The following WWOX variants were observed in gnomAD, a reference collection of about 807,000 sequenced individuals.
WWOX encodes WW domain-containing oxidoreductase.
A neutral mutation model predicts 46.2 loss-of-function variants in WWOX; 69 were observed. That is an observed-to-expected ratio of 1.49 (90% confidence interval 1.23 to 1.82). The LOEUF is 1.82. WWOX is among the 40% of genes most tolerant of loss of function. WWOX has a pLI of 0.00. For missense variants in WWOX, 919 were observed against 542.6 expected, an observed-to-expected ratio of 1.69 and a Z score of -6.89; for synonymous variants, 359 against 202.6, an observed-to-expected ratio of 1.77 and a Z score of -6.56.
At chr16:78,923,958 C>T (rs2045440155) in intron 8 of WWOX, among the ~76,000 whole-genome samples, 1 of 151,828 alleles carries the variant, frequency 6.6e-6, no homozygotes, top group Admixed American at 6.6e-5. Context: ...CGCCACCACG[C>T]CTGGCTAATT....
At chr16:78,536,331 C>T (rs541094977) in intron 8 of WWOX, among the ~76,000 whole-genome samples, 2 of 152,044 alleles carry the variant, frequency 1.3e-5, no homozygotes, top group East Asian at 3.9e-4. Flanking sequence ...GACTGTATCC[C>T]TCCTGAAGGG....
At chr16:78,539,648 C>G (rs866333077) in intron 8 of WWOX, among the ~76,000 whole-genome samples, 1 of 152,152 alleles carries the variant, frequency 6.6e-6, no homozygotes, top group Non-Finnish European at 1.5e-5. Context: ...TGTGTGTGTG[C>G]AAATTGTACT....
rs1478288838 is a variant in WWOX, at chr16:79,087,734, CTT to C, written c.1057-123872_1057-123871del. ...TATAGAGTTATTGGTACTTGCAACA[CTT>C]TCTCTGGAATTTGGCCATTTCTCTG... On this transcript the variant is annotated intron_variant, in intron 8 of 8. Transcript: ENST00000566780. Among the ~76,000 whole-genome samples, 10 of 152,342 alleles carry C rather than the reference CTT, an allele frequency of 6.6e-5. No homozygotes were observed. The East Asian group carries it at 1.9e-3, about 29-fold the overall frequency.
intron 8 of WWOX, among the ~76,000 whole-genome samples, chr16:79,194,003 C>T (rs2051189516): frequency 6.6e-6 from 1 of 152,186 alleles, no homozygotes; most frequent in African/African-American, 2.4e-5. Flanking sequence ...CTCTTTGTCT[C>T]AGTTTTCTGT....
Position 78,108,128 on chromosome 16 carries a change from A to T in WWOX, c.108-295A>T, listed in dbSNP as rs141139528. ...TTTTTGGTAGAGACAGGGTTTCACC[A>T]TGTTGGCCAGGATGGTCTCCATCTC... On this transcript the variant is annotated intron_variant, in intron 1 of 8. Transcript: ENST00000566780. 3.3e-3 allele frequency among the ~76,000 whole-genome samples: 501 copies of T among 151,488 alleles called. 5 individuals are homozygous for T. The highest frequency in any genetic ancestry group is 0.012 in the African/African-American group (481 of 41,214).
intron 6 of WWOX, among the ~76,000 whole-genome samples, chr16:78,419,265 T>G (rs1184336470): frequency 6.6e-6 from 1 of 152,124 alleles, no homozygotes. Flanking sequence ...TCAGTTGACT[T>G]TTTTACAGAA....
intron 8 of WWOX, among the ~76,000 whole-genome samples, chr16:78,782,056 A>G (rs992005640): frequency 6.6e-6 from 1 of 152,130 alleles, no homozygotes; most frequent in African/African-American, 2.4e-5. Context: ...TGTCTTTGGA[A>G]GGGTAGGTGG....
intron 5 of WWOX, among the ~76,000 whole-genome samples, chr16:78,335,202 C>G (rs941554377): frequency 6.6e-6 from 1 of 152,186 alleles, no homozygotes; most frequent in African/African-American, 2.4e-5. Context: ...TCATCTGCCA[C>G]GGTGGTTTGC....
chr16:78,446,937 A>T (rs1171803031), intron 8 of WWOX, among the ~76,000 whole-genome samples: 1 of 152,146 alleles, frequency 6.6e-6, no homozygotes, highest in Non-Finnish European at 1.5e-5. Flanking sequence ...CTGGGATGAC[A>T]GGTGTGAGCC....
intron 8 of WWOX, chr16:78,496,095 G>C (rs532365792): frequency 6.6e-6 from 1 of 152,162 alleles, no homozygotes; most frequent in African/African-American, 2.4e-5. Context: ...TTTTCCACCT[G>C]GTACTATTTG....
At chr16:79,073,724 A>G (rs1218060947) in intron 8 of WWOX, among the ~76,000 whole-genome samples, 1 of 152,154 alleles carries the variant, frequency 6.6e-6, no homozygotes, top group Non-Finnish European at 1.5e-5. Context: ...AAGTTCTAGT[A>G]AATGGGACGT....
intron 8 of WWOX, among the ~76,000 whole-genome samples, chr16:79,057,936 G>A (rs2113303): frequency 6.6e-6 from 1 of 151,824 alleles, no homozygotes. Context: ...ATCATTATCA[G>A]TGGCCAAATC....
intron 8 of WWOX, among the ~76,000 whole-genome samples, chr16:79,192,114 C>T (rs2051148218): frequency 6.6e-6 from 1 of 152,190 alleles, no homozygotes; most frequent in African/African-American, 2.4e-5. Context: ...ATGTAGTTAA[C>T]ACCTCGTGTA....
chr16:78,792,487 C>G (rs570542776), intron 8 of WWOX, among the ~76,000 whole-genome samples: 4 of 152,314 alleles, frequency 2.6e-5, no homozygotes, highest in African/African-American at 9.6e-5. Context: ...GTCCCACTTA[C>G]AGACTGAAAA....
intron 8 of WWOX, among the ~76,000 whole-genome samples, chr16:78,604,713 TCCCCCCTCCCTCCTTC>T (rs1567430038): frequency 2.0e-3 from 12 of 5,854 alleles, no homozygotes; most frequent in Admixed American, 7.4e-3. Context: ...CCTCCCTCCT[TCCCCCCTCCCTCCTTC>T]CCCCCTCCCT....
chr16:78,804,161 A>G (rs1422457489), intron 8 of WWOX, among the ~76,000 whole-genome samples: 1 of 152,102 alleles, frequency 6.6e-6, no homozygotes, highest in Non-Finnish European at 1.5e-5. Context: ...CAACTTTTTA[A>G]TAAGGGCTGG....
At chr16:78,179,496 C>T (rs910462512) in intron 5 of WWOX, among the ~76,000 whole-genome samples, 1 of 152,132 alleles carries the variant, frequency 6.6e-6, no homozygotes. Context: ...ATTAATTCTG[C>T]CTGCAGAACA....
chr16:78,637,845 C>G (rs181393895), intron 8 of WWOX, among the ~76,000 whole-genome samples: 3 of 152,292 alleles, frequency 2.0e-5, no homozygotes, highest in Admixed American at 1.3e-4. Context: ...TGTGTCTCCA[C>G]TTTCCAGCCT....
chr16:78,510,005 C>T lies in WWOX; in HGVS notation c.1056+77253C>T, dbSNP rs186097964. Reference sequence around the variant, plus strand: ...GTCCCAGCTTCTGGGGATGCTGCAGCGAGCCATGATTGTGCCACTGCTCTC... The same window carrying T: ...GTCCCAGCTTCTGGGGATGCTGCAGTGAGCCATGATTGTGCCACTGCTCTC... On this transcript the variant is annotated intron_variant, in intron 8 of 8. Transcript: ENST00000566780. Among the ~76,000 whole-genome samples, 304 of 151,840 alleles carry T rather than the reference C, an allele frequency of 2.0e-3. 1 individual carries two copies. Among genetic ancestry groups the T allele is most frequent in the Admixed American group, 3.5e-3 (54 of 15,256 alleles).
Sources: allele counts gnomAD v4.1 joint callset (sites outside exome capture counted in the v4.1 genomes callset), GRCh38; gene constraint gnomAD v4.1.1; transcripts MANE v1.5; gene names NCBI Gene and HGNC (gene_info 2026-07-23, HGNC 2026-07-21).